MCTP1: variants seen among roughly 807,000 people sequenced by gnomAD.
MCTP1 encodes the protein multiple C2 and transmembrane domain containing 1, also known as multiple C2 and transmembrane domain-containing protein 1.
MCTP1 carries 69 observed loss-of-function variants against 120.6 expected under a neutral mutation model. The ratio of observed to expected loss-of-function variants is 0.57; its 90% CI spans 0.47 to 0.70. The LOEUF is 0.70. Ranked by LOEUF, MCTP1 falls within the 30% of genes least tolerant of loss-of-function variation. MCTP1 has a pLI of 0.00. For missense variants in MCTP1, 1,203 were observed against 1,248.8 expected, an observed-to-expected ratio of 0.96 and a Z score of 0.55; for synonymous variants, 529 against 493.1, an observed-to-expected ratio of 1.07 and a Z score of -0.96.
chr5:94,766,743 A>G (rs1217481448), intron 19 of MCTP1, among the ~76,000 whole-genome samples: 1 of 152,192 alleles, frequency 6.6e-6, no homozygotes, highest in Non-Finnish European at 1.5e-5. Context: ...AACCAGGAAG[A>G]AACAGAAAAC....
In MCTP1 at chr5:95,087,583, C is replaced by A. The variant is rs200121829; in HGVS notation, c.721-70099G>T. Among the ~76,000 whole-genome samples the A allele has an allele frequency of 5.3e-5, 8 of 152,292 alleles. No homozygotes were observed. The East Asian group carries it at 1.5e-3, about 29-fold the overall frequency. ...ACATGAATATTCCTGATGTTTAAATCTTAGCCTCTACACAATATGAGACAA... is the reference window on the plus strand; with the variant it reads ...ACATGAATATTCCTGATGTTTAAATATTAGCCTCTACACAATATGAGACAA... On this transcript the variant is annotated intron_variant, in intron 1 of 22. Transcript: ENST00000515393.
chr5:94,772,412 T>C (rs1341956945), intron 19 of MCTP1, among the ~76,000 whole-genome samples: 1 of 152,182 alleles, frequency 6.6e-6, no homozygotes, highest in African/African-American at 2.4e-5. Context: ...TGGCTTCACA[T>C]GCAGCTGCCA....
intron 1 of MCTP1, among the ~76,000 whole-genome samples, chr5:95,213,790 C>T (rs1214234728): frequency 6.6e-6 from 1 of 152,246 alleles, no homozygotes; most frequent in Non-Finnish European, 1.5e-5. Context: ...ATAAATGGTG[C>T]TGGGAAAATG....
chr5:95,000,617 G>T (rs1311238676), intron 2 of MCTP1, among the ~76,000 whole-genome samples: 2 of 151,982 alleles, frequency 1.3e-5, no homozygotes, highest in Non-Finnish European at 2.9e-5. Flanking sequence ...ATGGAATAAG[G>T]ATATAAAGGT....
intron 2 of MCTP1, among the ~76,000 whole-genome samples, chr5:95,003,999 C>T (rs1834204261): frequency 1.3e-5 from 2 of 152,076 alleles, no homozygotes; most frequent in African/African-American, 4.8e-5. Context: ...AAAATTGTGA[C>T]CAAATGCTGA....
chr5:94,835,120 T>A (rs1269590511), intron 17 of MCTP1, among the ~76,000 whole-genome samples: 1 of 152,146 alleles, frequency 6.6e-6, no homozygotes, highest in Non-Finnish European at 1.5e-5. Flanking sequence ...CCTGGCCCTA[T>A]AACGCATTCT....
At chr5:95,050,874 C>G (rs1745728674) in intron 1 of MCTP1, among the ~76,000 whole-genome samples, 1 of 152,088 alleles carries the variant, frequency 6.6e-6, no homozygotes. Context: ...TTCAACATGA[C>G]TAGTATCCTA....
At chr5:94,985,938 G>A (rs1250655811) in intron 2 of MCTP1, among the ~76,000 whole-genome samples, 3 of 152,146 alleles carry the variant, frequency 2.0e-5, no homozygotes, top group Non-Finnish European at 4.4e-5. Flanking sequence ...TTCTTTTAAA[G>A]TGAGCTTTTC....
chr5:94,970,462 GAAGTT>G (rs1826557300), intron 2 of MCTP1, among the ~76,000 whole-genome samples: 2 of 151,870 alleles, frequency 1.3e-5, no homozygotes, highest in African/African-American at 4.8e-5. Context: ...ATAACTTCTG[GAAGTT>G]TAGGTAAACG....
intron 1 of MCTP1, among the ~76,000 whole-genome samples, chr5:95,034,789 T>A (rs1399114901): frequency 6.6e-6 from 1 of 151,850 alleles, no homozygotes; most frequent in African/African-American, 2.4e-5. Flanking sequence ...AGACAACCTA[T>A]GGAATGGGAG....
chr5:95,019,336 T>C (rs554612496), intron 1 of MCTP1, among the ~76,000 whole-genome samples: 162 of 152,144 alleles, frequency 1.1e-3, no homozygotes, highest in African/African-American at 3.8e-3. Context: ...CTGTTAACCA[T>C]AGTCACCACG....
chr5:94,779,053 G>T, intron 19 of MCTP1, 57 bp downstream of exon 19: 1 of 1,445,228 alleles, frequency 6.9e-7, no homozygotes, highest in Non-Finnish European at 9.7e-7. Flanking sequence ...TGTGAAAACA[G>T]TGTCATGTCT....
intron 17 of MCTP1, among the ~76,000 whole-genome samples, chr5:94,817,051 T>C (rs1784601621): frequency 6.6e-6 from 1 of 152,214 alleles, no homozygotes; most frequent in Non-Finnish European, 1.5e-5. Context: ...GCCCTATGTC[T>C]TGTTGAAAAT....
chr5:95,117,752 T>C (rs924649184), intron 1 of MCTP1, among the ~76,000 whole-genome samples: 7 of 152,084 alleles, frequency 4.6e-5, no homozygotes, highest in African/African-American at 1.7e-4. Context: ...AGAAAAGACA[T>C]GGAATAAAGC....
At chr5:95,137,499 G>A (rs1759534815) in intron 1 of MCTP1, among the ~76,000 whole-genome samples, 1 of 152,154 alleles carries the variant, frequency 6.6e-6, no homozygotes, top group African/African-American at 2.4e-5. Flanking sequence ...TATCTTTCAG[G>A]TCTAGATTCT....
At chr5:95,179,557 A>AT (rs112716695) in intron 1 of MCTP1, among the ~76,000 whole-genome samples, 2,004 of 152,246 alleles carry the variant, frequency 0.013, 45 homozygotes, top group African/African-American at 0.047. Flanking sequence ...TCAACCAAGA[A>AT]TTTTTTATCC....
At chr5:95,264,617 TCAG>T (rs1358343470) in intron 1 of MCTP1, among the ~76,000 whole-genome samples, 1 of 152,154 alleles carries the variant, frequency 6.6e-6, no homozygotes, top group Non-Finnish European at 1.5e-5. Context: ...TCTCCCACTC[TCAG>T]CCCACAGTGT....
At chr5:95,099,826 A>G (rs1434024706) in intron 1 of MCTP1, among the ~76,000 whole-genome samples, 1 of 149,244 alleles carries the variant, frequency 6.7e-6, no homozygotes, top group Non-Finnish European at 1.5e-5. Context: ...ATGCACACGT[A>G]TGTTTATTGC....
chr5:94,918,966 A>G (rs1278158305), intron 7 of MCTP1, among the ~76,000 whole-genome samples: 3 of 152,204 alleles, frequency 2.0e-5, no homozygotes, highest in Admixed American at 2.0e-4. Flanking sequence ...GCTGAGACCT[A>G]ATCAATGATT....
Sources: gnomAD v4.1 joint callset for allele counts (sites outside exome capture counted in the v4.1 genomes callset) on GRCh38, gnomAD v4.1.1 for gene constraint, MANE v1.5 for transcripts, NCBI Gene and HGNC (gene_info 2026-07-23, HGNC 2026-07-21) for gene names.